Variants in NAP1L4 observed in about 807,000 individuals in gnomAD.
The protein encoded by NAP1L4 is nucleosome assembly protein 1-like 4.
Under a neutral mutation model 58.2 loss-of-function variants are expected in NAP1L4, and 15 were observed. That is an observed-to-expected ratio of 0.26 (90% CI 0.17 to 0.40). NAP1L4 has a LOEUF of 0.40. NAP1L4 is among the 10% of genes least tolerant of loss of function. The pLI is 1.00. For missense variants in NAP1L4, 384 were observed against 451.1 expected, an observed-to-expected ratio of 0.85 and a Z score of 1.35; for synonymous variants, 171 against 155.6, an observed-to-expected ratio of 1.10 and a Z score of -0.74.
chr11:2,953,437 A>G (rs113644860), intron 12 of NAP1L4, among the ~76,000 whole-genome samples: 101 of 152,378 alleles, frequency 6.6e-4, no homozygotes, highest in African/African-American at 2.4e-3. Flanking sequence ...CCATATTTCA[A>G]GTCCTCAAGT....
rs944635797 is a variant in NAP1L4, at chr11:2,954,385, G to A, written c.1035+142C>T. ...TCAAGCGTATTCCCCCCACAACAAG[G>A]ACAGCAGCTTGGACTACATATCTGG... On this transcript the variant is annotated intron_variant, in intron 12 of 15. Coordinates refer to ENST00000380542, the MANE Select transcript of NAP1L4 (RefSeq NM_005969.4). The surrounding 1 kb of genome is among the most constrained non-coding windows in gnomAD (Gnocchi z 4.8). 4 of 1,205,376 alleles carry A rather than the reference G, an allele frequency of 3.3e-6. No individual in the cohort carries two copies. The highest frequency in any genetic ancestry group is 3.6e-6 in the Non-Finnish European group (3 of 833,196). 74.7% of individuals were successfully genotyped at this position (1,205,376 alleles called of 1,614,324 possible).
At chr11:2,977,646 G>C (rs909497346) in intron 3 of NAP1L4, among the ~76,000 whole-genome samples, 8 of 152,268 alleles carry the variant, frequency 5.3e-5, no homozygotes, top group Admixed American at 3.9e-4. Context: ...GTCTATTAGA[G>C]AATGGTATTG....
At position 2,958,499 on chromosome 11, in the gene NAP1L4, G is replaced by A; in HGVS notation, c.792C>T (p.Thr264=). 1 of 1,614,024 alleles carries A rather than the reference G, an allele frequency of 6.2e-7. No individual in the cohort carries two copies. The highest frequency in any genetic ancestry group is 8.5e-7 in the Non-Finnish European group (1 of 1,179,998). Reference sequence around the variant, plus strand: ...CCTTATGCTTCTGCTTTTTCTTGATGGTTTTGACAGTAACATTCTTTCCTT... The same window carrying A: ...CCTTATGCTTCTGCTTTTTCTTGATAGTTTTGACAGTAACATTCTTTCCTT... ...WKKGKNVTVK[T]IKKKQKHKGR... is the part of the protein sequence containing the mutation. Residue 264 remains threonine, a synonymous_variant, in exon 10 of 16, where the codon ACC becomes ACT. Transcript: ENST00000380542.
Position 2,951,668 on chromosome 11 carries a change from C to T in NAP1L4, c.1065+112G>A, listed in dbSNP as rs537749884. The T allele has an allele frequency of 1.5e-5, 15 of 984,334 alleles. No individual in the cohort carries two copies. The highest frequency in any genetic ancestry group is 7.2e-5 in the East Asian group (3 of 41,538). 61.0% of individuals were successfully genotyped at this position (984,334 alleles called of 1,614,324 possible). ...AGAACATTCTTAGAATCAAAGACAG[C>T]GTCACAAAAAATGGGTTTAACACAG... On this transcript the variant is annotated intron_variant, in intron 13 of 15. Transcript: ENST00000380542. This position sits in a 1 kb window ranked among gnomAD's most constrained non-coding sequence, Gnocchi z 4.0.
intron 1 of NAP1L4, among the ~76,000 whole-genome samples, chr11:2,979,962 T>C (rs896340632): frequency 1.1e-4 from 16 of 152,180 alleles, no homozygotes; most frequent in African/African-American, 1.2e-4. Flanking sequence ...AATTAACTTA[T>C]GGGATTATTT....
At chr11:2,990,886 GGTA>G in intron 1 of NAP1L4, 1 of 332,710 alleles carries the variant, frequency 3.0e-6, no homozygotes, top group African/African-American at 2.2e-5. Context: ...ATTACAGGAA[GGTA>G]GTAACTTAGA....
intron 1 of NAP1L4, among the ~76,000 whole-genome samples, chr11:2,988,500 C>T (rs1213094943): frequency 1.3e-5 from 2 of 152,142 alleles, no homozygotes; most frequent in African/African-American, 2.4e-5. Context: ...AGAACTGTGC[C>T]CAGTACATAG....
intron 8 of NAP1L4, chr11:2,963,686 G>A: frequency 2.0e-6 from 1 of 505,696 alleles, no homozygotes; most frequent in South Asian, 1.4e-5. Flanking sequence ...GAGATGGGGA[G>A]GAAGGAAGAT....
intron 10 of NAP1L4, 167 bp downstream of exon 10, chr11:2,958,232 A>C (rs775243239): frequency 1.9e-5 from 14 of 738,448 alleles, no homozygotes; most frequent in Non-Finnish European, 3.4e-5. Context: ...CCCCGCGATA[A>C]ACTTGCCAGC....
intron 4 of NAP1L4, among the ~76,000 whole-genome samples, chr11:2,975,147 C>A (rs1847873477): frequency 7.8e-6 from 1 of 128,230 alleles, no homozygotes; most frequent in African/African-American, 3.2e-5. Context: ...AACAGCTCAT[C>A]CCTTTAAAAA....
At chr11:2,953,911 C>T (rs1352315660) in intron 12 of NAP1L4, among the ~76,000 whole-genome samples, 2 of 152,310 alleles carry the variant, frequency 1.3e-5, no homozygotes, top group South Asian at 2.1e-4. Flanking sequence ...TTATTTTCCA[C>T]AGATCAAGAA....
At chr11:2,982,404 C>G (rs1403008764) in intron 1 of NAP1L4, among the ~76,000 whole-genome samples, 1 of 152,194 alleles carries the variant, frequency 6.6e-6, no homozygotes, top group Non-Finnish European at 1.5e-5. Context: ...CTAACACTGT[C>G]AGTTTAATGG....
intron 12 of NAP1L4, among the ~76,000 whole-genome samples, chr11:2,953,753 G>T (rs1654760104): frequency 6.6e-6 from 1 of 152,238 alleles, no homozygotes; most frequent in Non-Finnish European, 1.5e-5. Flanking sequence ...GCCACAGGGG[G>T]CTAAGGCCCT....
chr11:2,981,195 AC>A (rs1848281809), intron 1 of NAP1L4, among the ~76,000 whole-genome samples: 3 of 150,836 alleles, frequency 2.0e-5, no homozygotes, highest in Middle Eastern at 6.8e-3. Flanking sequence ...CTGAAATAAC[AC>A]CACTGCACTC....
In NAP1L4 at chr11:2,959,150, C is replaced by A. The variant is rs546123244; in HGVS notation, c.747-606G>T. 3.3e-5 allele frequency among the ~76,000 whole-genome samples: 5 copies of A among 152,340 alleles called. No individual in the cohort carries two copies. The South Asian group carries it at 1.0e-3, about 32-fold the overall frequency. ...ACATGATGTCCTGGCCCTGGAAAAT[C>A]ATCTTTCTAAATTACTCTAGCAGGA... is the stretch of plus-strand genomic sequence containing the variant. On this transcript the variant is annotated intron_variant, in intron 9 of 15. Coordinates refer to ENST00000380542, the MANE Select transcript of NAP1L4 (RefSeq NM_005969.4). This position sits in a 1 kb window ranked among gnomAD's most constrained non-coding sequence, Gnocchi z 4.9.
intron 1 of NAP1L4, chr11:2,992,042 G>T (rs1027671660): frequency 1.1e-4 from 16 of 152,258 alleles, no homozygotes; most frequent in African/African-American, 3.1e-4. Context: ...CAGCGCCCCA[G>T]GCCCGGGCTC....
intron 2 of NAP1L4, 33 bp downstream of exon 2, chr11:2,979,174 A>C: frequency 2.5e-6 from 4 of 1,601,212 alleles, no homozygotes; most frequent in Non-Finnish European, 3.4e-6. Context: ...ACTGAATTTT[A>C]AACTCCAATA....
Position 2,979,188 on chromosome 11 carries a change from A to T in NAP1L4, c.14+19T>A. 1 of 1,608,740 alleles carries T rather than the reference A, an allele frequency of 6.2e-7. No homozygotes were observed. The highest frequency in any genetic ancestry group is 8.5e-7 in the Non-Finnish European group (1 of 1,177,630). ...AACTGAATTTTAAACTCCAATAAACAAAGTCCACTTTGGCTTACCTGTGAT... is the reference window on the plus strand; with the variant it reads ...AACTGAATTTTAAACTCCAATAAACTAAGTCCACTTTGGCTTACCTGTGAT... On this transcript the variant is annotated intron_variant, in intron 2 of 15. Transcript: ENST00000380542.
At chr11:2,960,649 C>T (rs1047022511) in intron 8 of NAP1L4, among the ~76,000 whole-genome samples, 3 of 152,140 alleles carry the variant, frequency 2.0e-5, no homozygotes, top group African/African-American at 7.2e-5. Flanking sequence ...GGGTACTGAG[C>T]ACACTCATGT....
Sources: gnomAD v4.1 joint callset for allele counts (sites outside exome capture counted in the v4.1 genomes callset) on GRCh38, gnomAD v4.1.1 for gene constraint, Gnocchi (gnomAD v3.1) non-coding constraint, MANE v1.5 for transcripts, NCBI Gene and HGNC (gene_info 2026-07-23, HGNC 2026-07-21) for gene names.